The following DCC variants were observed in gnomAD, a reference collection of about 807,000 sequenced individuals.
The protein encoded by DCC is DCC netrin 1 receptor.
A neutral mutation model predicts 172.5 loss-of-function variants in DCC; 58 were observed. That is an observed-to-expected ratio of 0.34 (90% CI 0.27 to 0.42). The LOEUF is 0.42. Ranked by LOEUF, DCC falls within the 10% of genes least tolerant of loss-of-function variation. The pLI is 1.00. For missense variants in DCC, 1,740 were observed against 1,791.0 expected (o/e 0.97, Z 0.51); for synonymous variants, 709 against 644.5 (o/e 1.10, Z -1.52).
chr18:52,469,796 C>T (rs1296435336), intron 1 of DCC, among the ~76,000 whole-genome samples: 1 of 152,190 alleles, frequency 6.6e-6, no homozygotes, highest in East Asian at 1.9e-4. Flanking sequence ...GCATCCTTCT[C>T]CTAGTGGCCC....
intron 1 of DCC, among the ~76,000 whole-genome samples, chr18:52,689,866 G>C (rs920126587): frequency 6.6e-6 from 1 of 152,052 alleles, no homozygotes; most frequent in Admixed American, 6.6e-5. Flanking sequence ...CTTTCTCTTA[G>C]CTGCAGACTC....
rs181514521 is a variant in DCC, at chr18:52,939,825, T to C, written c.985+14455T>C. On this transcript the variant is annotated intron_variant, in intron 5 of 28. Coordinates refer to ENST00000442544, the MANE Select transcript of DCC (RefSeq NM_005215.4). ...GTCAGAGGAAAGAATAGGGGGCCCT[T>C]GGGTGCAGAAAAGAATACCAGGATA... Among the ~76,000 whole-genome samples, 18 of 152,248 alleles carry C rather than the reference T, an allele frequency of 1.2e-4. 1 individual carries two copies. The highest frequency in any genetic ancestry group is 4.1e-4 in the African/African-American group (17 of 41,570).
intron 6 of DCC, 145 bp downstream of exon 6, chr18:53,063,604 G>C: frequency 1.5e-6 from 1 of 651,180 alleles, no homozygotes; most frequent in Non-Finnish European, 2.6e-6. Context: ...TAAAGCAAAT[G>C]ATTTTCTAGA....
intron 1 of DCC, among the ~76,000 whole-genome samples, chr18:52,444,712 A>AT (rs933460773): frequency 2.0e-5 from 3 of 151,820 alleles, no homozygotes; most frequent in Non-Finnish European, 4.4e-5. Context: ...TAGAAATCTA[A>AT]TTTTTTTTTC....
intron 5 of DCC, among the ~76,000 whole-genome samples, chr18:52,939,861 G>A (rs967682400): frequency 5.9e-5 from 9 of 152,124 alleles, no homozygotes; most frequent in Non-Finnish European, 1.2e-4. Flanking sequence ...ACCCAAATGA[G>A]CTGGTCAAAC....
chr18:52,587,148 T>C (rs974570159), intron 1 of DCC, among the ~76,000 whole-genome samples: 4 of 152,170 alleles, frequency 2.6e-5, no homozygotes, highest in Non-Finnish European at 5.9e-5. Flanking sequence ...TAACACCAGG[T>C]AGCTGGCTGA....
At chr18:52,970,121 C>T (rs563385451) in intron 5 of DCC, among the ~76,000 whole-genome samples, 1 of 152,084 alleles carries the variant, frequency 6.6e-6, no homozygotes, top group African/African-American at 2.4e-5. Context: ...CTTAAATGCT[C>T]CTAGGAAGAT....
chr18:52,737,928 C>A (rs2145106946), intron 1 of DCC, among the ~76,000 whole-genome samples: 1 of 152,238 alleles, frequency 6.6e-6, no homozygotes, highest in Middle Eastern at 3.4e-3. Flanking sequence ...CGCTGTCAAT[C>A]AGCAGTATCA....
At chr18:52,852,828 ATTAAATTC>A (rs1347101410) in intron 2 of DCC, among the ~76,000 whole-genome samples, 11 of 152,214 alleles carry the variant, frequency 7.2e-5, no homozygotes, top group African/African-American at 2.2e-4. Context: ...ATCAGCATTT[ATTAAATTC>A]TTACTATGGA....
chr18:53,274,275 A>G (rs1390281328), intron 12 of DCC, among the ~76,000 whole-genome samples: 1 of 152,138 alleles, frequency 6.6e-6, no homozygotes, highest in African/African-American at 2.4e-5. Context: ...TGTTATATCA[A>G]TCATGTTTCA....
chr18:53,351,369 GTA>G (rs367935409), intron 15 of DCC, among the ~76,000 whole-genome samples: 10 of 32,354 alleles, frequency 3.1e-4, no homozygotes, highest in South Asian at 2.9e-3. Context: ...TATATATACT[GTA>G]TATATATATA....
chr18:52,430,670 G>C (rs1987591847), intron 1 of DCC, among the ~76,000 whole-genome samples: 1 of 152,122 alleles, frequency 6.6e-6, no homozygotes, highest in African/African-American at 2.4e-5. Flanking sequence ...AACCGCTGTG[G>C]AATAAGCCAG....
At chr18:52,927,900 C>T (rs922491058) in intron 5 of DCC, among the ~76,000 whole-genome samples, 6 of 152,014 alleles carry the variant, frequency 3.9e-5, no homozygotes, top group Non-Finnish European at 7.4e-5. Context: ...TTTGACCCAA[C>T]AATCCTGTTA....
chr18:53,035,057 A>G (rs955882079), intron 5 of DCC, among the ~76,000 whole-genome samples: 2 of 152,052 alleles, frequency 1.3e-5, no homozygotes, highest in African/African-American at 4.8e-5. Context: ...GATATATAAT[A>G]GTTGTACATA....
intron 9 of DCC, among the ~76,000 whole-genome samples, chr18:53,196,778 A>G (rs754158528): frequency 6.6e-6 from 1 of 152,114 alleles, no homozygotes; most frequent in Non-Finnish European, 1.5e-5. Flanking sequence ...GTGTTAGCAG[A>G]TAGAAAATAT....
At chr18:52,934,337 T>C (rs1370264139) in intron 5 of DCC, among the ~76,000 whole-genome samples, 1 of 152,098 alleles carries the variant, frequency 6.6e-6, no homozygotes, top group Non-Finnish European at 1.5e-5. Context: ...AAAAAGATGA[T>C]GTCCATTTGT....
At chr18:53,187,129 C>T (rs77764902) in intron 9 of DCC, among the ~76,000 whole-genome samples, 13,327 of 144,438 alleles carry the variant, frequency 0.092, 787 homozygotes, top group African/African-American at 0.17. Context: ...TTTTTTTTTT[C>T]TTTTTTTTTT....
intron 1 of DCC, among the ~76,000 whole-genome samples, chr18:52,378,313 A>G (rs1408242589): frequency 6.6e-6 from 1 of 151,938 alleles, no homozygotes; most frequent in African/African-American, 2.4e-5. Flanking sequence ...CTCTAAAGAA[A>G]AAAAAAAAAC....
chr18:53,510,473 C>A (rs2046237094), intron 27 of DCC, among the ~76,000 whole-genome samples: 1 of 152,078 alleles, frequency 6.6e-6, no homozygotes, highest in African/African-American at 2.4e-5. Context: ...TATCATAAAT[C>A]ATTTATTGGG....
Sources: allele counts gnomAD v4.1 joint callset (sites outside exome capture counted in the v4.1 genomes callset), GRCh38; gene constraint gnomAD v4.1.1; transcripts MANE v1.5; gene names NCBI Gene and HGNC (gene_info 2026-07-23, HGNC 2026-07-21).